Variants in PCSK5 observed in about 807,000 individuals in gnomAD.
The protein encoded by PCSK5 is proprotein convertase subtilisin/kexin type 5, also known as prohormone convertase 5.
Under a neutral mutation model 233.2 loss-of-function variants are expected in PCSK5, and 129 were observed. That is an observed-to-expected ratio of 0.55 (90% CI 0.48 to 0.64). The LOEUF (loss-of-function observed/expected upper bound fraction) is 0.64, where lower values mean the gene tolerates loss of function less well. Ranked by LOEUF, PCSK5 falls within the 30% of genes least tolerant of loss-of-function variation. PCSK5 has a pLI of 0.00. For synonymous variants in PCSK5, 825 were observed against 879.2 expected (o/e 0.94, Z 1.09); for missense variants, 2,076 against 2,430.1 (o/e 0.85, Z 3.06).
chr9:76,143,527 C>T (rs747145228), intron 10 of PCSK5, among the ~76,000 whole-genome samples: 5 of 151,712 alleles, frequency 3.3e-5, no homozygotes, highest in African/African-American at 7.3e-5. Context: ...ATATGTCTTA[C>T]AAAATGGCAT....
chr9:75,895,759 T>A (rs542805827), intron 1 of PCSK5, among the ~76,000 whole-genome samples: 7 of 152,326 alleles, frequency 4.6e-5, no homozygotes, highest in African/African-American at 1.7e-4. Flanking sequence ...GTAGTTTGTA[T>A]GAGTAAAGCT....
intron 3 of PCSK5, among the ~76,000 whole-genome samples, chr9:76,017,707 T>A (rs756572568): frequency 2.6e-4 from 40 of 152,246 alleles, no homozygotes; most frequent in Non-Finnish European, 4.7e-4. Context: ...TCTGAATAAT[T>A]GGACAGAGCA....
chr9:76,344,942 G>A (rs771714436), intron 35 of PCSK5, among the ~76,000 whole-genome samples: 2 of 152,128 alleles, frequency 1.3e-5, no homozygotes, highest in South Asian at 4.1e-4. Flanking sequence ...TAAATGATTC[G>A]TGATATTGTA....
chr9:76,321,702 T>C, intron 31 of PCSK5, 63 bp downstream of exon 31: 1 of 1,045,326 alleles, frequency 9.6e-7, no homozygotes, highest in Admixed American at 2.1e-5. Context: ...GGGCCGATTA[T>C]CTGAGGGTGG....
intron 12 of PCSK5, among the ~76,000 whole-genome samples, chr9:76,168,628 A>C (rs10869718): frequency 0.67 from 101,365 of 151,958 alleles, 33,959 homozygotes; most frequent in South Asian, 0.76. Flanking sequence ...TTTGGAAATC[A>C]CTGGAAGGAC....
At chr9:76,311,261 G>A (rs1828858500) in intron 30 of PCSK5, among the ~76,000 whole-genome samples, 1 of 151,884 alleles carries the variant, frequency 6.6e-6, no homozygotes, top group Non-Finnish European at 1.5e-5. Context: ...GGAGGCTAAG[G>A]TGGGAGGATT....
chr9:76,271,289 C>T (rs149102131), intron 24 of PCSK5, among the ~76,000 whole-genome samples: 44 of 152,294 alleles, frequency 2.9e-4, no homozygotes, highest in African/African-American at 9.9e-4. Context: ...GATCTCTGAA[C>T]TGCGAACTTC....
intron 3 of PCSK5, among the ~76,000 whole-genome samples, chr9:76,009,734 G>A (rs1313775900): frequency 6.6e-6 from 1 of 152,030 alleles, no homozygotes; most frequent in African/African-American, 2.4e-5. Context: ...CTAGATAAGT[G>A]CAGTGAAAGC....
chr9:76,310,726 GA>G lies in PCSK5; in HGVS notation c.3760del (p.Ser1254AlafsTer93), dbSNP rs1311053081. 6.2e-7 allele frequency: 1 copy of G among 1,612,194 alleles called. No individual in the cohort carries two copies. On this transcript the variant is annotated frameshift_variant, in exon 30 of 38. Coordinates refer to ENST00000674117, the MANE Select transcript of PCSK5 (RefSeq NM_001372043.1). LOFTEE classifies it high-confidence loss of function. ...QGTWPSVRSG[S>X]CENCTEACAI... Reference sequence around the variant, plus strand: ...GCACATGGCCTTCCGTAAGGAGTGGGAGCTGCGAGAACTGTACGGAGGCCTG... The same window carrying G: ...GCACATGGCCTTCCGTAAGGAGTGGGGCTGCGAGAACTGTACGGAGGCCTG...
At chr9:76,356,185 G>C (rs964996059) in intron 37 of PCSK5, among the ~76,000 whole-genome samples, 6 of 152,142 alleles carry the variant, frequency 3.9e-5, no homozygotes, top group African/African-American at 1.4e-4. Context: ...CAACATTAAT[G>C]CCTTTAAATG....
At chr9:75,896,559 A>G (rs1016148020) in intron 1 of PCSK5, among the ~76,000 whole-genome samples, 4 of 152,138 alleles carry the variant, frequency 2.6e-5, no homozygotes, top group Admixed American at 6.5e-5. Flanking sequence ...GGTTTTTACC[A>G]AGGCTGAAGT....
chr9:75,982,749 CTTTT>C (rs528976970), intron 2 of PCSK5, among the ~76,000 whole-genome samples: 2 of 100,766 alleles, frequency 2.0e-5, no homozygotes, highest in Non-Finnish European at 2.1e-5. Flanking sequence ...CCCTGTGGTG[CTTTT>C]TTTTTTTTTT....
intron 20 of PCSK5, among the ~76,000 whole-genome samples, chr9:76,190,415 C>G (rs1468774427): frequency 6.6e-6 from 1 of 150,764 alleles, no homozygotes. Flanking sequence ...GTAGCCTTTT[C>G]TAGCTAATTA....
At chr9:75,970,467 C>G (rs1181731650) in intron 2 of PCSK5, among the ~76,000 whole-genome samples, 2 of 152,188 alleles carry the variant, frequency 1.3e-5, no homozygotes, top group East Asian at 3.8e-4. Flanking sequence ...ACTCATCAGA[C>G]AGTTCTCCTG....
At chr9:75,919,497 TTAAG>T (rs1420148934) in intron 1 of PCSK5, among the ~76,000 whole-genome samples, 2 of 152,194 alleles carry the variant, frequency 1.3e-5, no homozygotes, top group Non-Finnish European at 2.9e-5. Flanking sequence ...GGGTTGTATG[TTAAG>T]TGAGTAATTT....
intron 24 of PCSK5, among the ~76,000 whole-genome samples, chr9:76,267,871 C>T (rs1047703605): frequency 6.6e-6 from 1 of 151,756 alleles, no homozygotes; most frequent in African/African-American, 2.4e-5. Context: ...GAAAAGTCTC[C>T]CAAAGTTGAA....
chr9:76,168,839 C>A (rs964039434), intron 12 of PCSK5, among the ~76,000 whole-genome samples: 11 of 152,126 alleles, frequency 7.2e-5, no homozygotes, highest in African/African-American at 2.2e-4. Flanking sequence ...AATTCTATCA[C>A]CCTCAAAAAT....
chr9:76,155,019 CT>C lies in PCSK5; in HGVS notation c.1313-2025del, dbSNP rs147164642. 4.6e-3 allele frequency among the ~76,000 whole-genome samples: 697 copies of C among 152,134 alleles called. 5 individuals are homozygous for C. Among genetic ancestry groups the C allele is most frequent in the African/African-American group, 0.015 (636 of 41,502 alleles). ...TGATAATTTTCATTTTGTTTATTTT[CT>C]GGATAAGATGTTTTAAAATGAATAT... On this transcript the variant is annotated intron_variant, in intron 10 of 37. Transcript: ENST00000674117.
intron 2 of PCSK5, among the ~76,000 whole-genome samples, chr9:75,961,248 G>A (rs994944076): frequency 6.6e-6 from 1 of 152,186 alleles, no homozygotes; most frequent in Non-Finnish European, 1.5e-5. Context: ...CTACATGAAA[G>A]TGATACAAAA....
Sources: allele counts gnomAD v4.1 joint callset (sites outside exome capture counted in the v4.1 genomes callset), GRCh38; gene constraint gnomAD v4.1.1; transcripts MANE v1.5; gene names NCBI Gene and HGNC (gene_info 2026-07-23, HGNC 2026-07-21).